The following MAGEB10 variants were observed in gnomAD, a reference collection of about 807,000 sequenced individuals.
The protein encoded by MAGEB10 is MAGE family member B10, also known as melanoma-associated antigen B10.
For missense variants in MAGEB10, 190 were observed against 261.9 expected (o/e 0.73, Z 1.89); for synonymous variants, 99 against 101.0 (o/e 0.98, Z 0.12).
intron 1 of MAGEB10, among the ~76,000 whole-genome samples, chrX:27,814,655 T>G (rs985985210): frequency 1.8e-5 from 2 of 111,500 alleles, no homozygotes; most frequent in Non-Finnish European, 3.8e-5. Flanking sequence ...AATAGGCACT[T>G]TTCCCAGAGT....
Position 27,810,744 on chromosome X carries a change from A to G in MAGEB10, c.-199+2708A>G, listed in dbSNP as rs756182625. 3.7e-5 allele frequency among the ~76,000 whole-genome samples: 4 copies of G among 108,330 alleles called. No homozygotes were observed. In the Admixed American group the frequency reaches 3.9e-4, roughly 11 times the overall value. The allele number at this position is 108,330 out of a possible 115,157, so 94.1% of individuals were successfully genotyped here. Reference sequence around the variant, plus strand: ...CAGAACAAAGGGGACCCAACAGAGTACCACTACTATGAGCCTTGGTAGCCT... The same window carrying G: ...CAGAACAAAGGGGACCCAACAGAGTGCCACTACTATGAGCCTTGGTAGCCT... On this transcript the variant is annotated intron_variant, in intron 1 of 2. Coordinates refer to ENST00000356790, the MANE Select transcript of MAGEB10 (RefSeq NM_182506.3).
At chrX:27,808,470 C>T (rs906941959) in intron 1 of MAGEB10, among the ~76,000 whole-genome samples, 1 of 111,957 alleles carries the variant, frequency 8.9e-6, no homozygotes, top group African/African-American at 3.2e-5. Context: ...TTCTGCCGTC[C>T]GTGGGAGGTG....
chrX:27,813,137 T>A (rs1923722708), intron 1 of MAGEB10, among the ~76,000 whole-genome samples: 1 of 112,005 alleles, frequency 8.9e-6, no homozygotes, highest in Non-Finnish European at 1.9e-5. Context: ...GTTTGTGAGG[T>A]TTTAGAGTAG....
chrX:27,810,120 CG>C (rs1459702967), intron 1 of MAGEB10, among the ~76,000 whole-genome samples: 1 of 111,428 alleles, frequency 9.0e-6, no homozygotes, highest in Non-Finnish European at 1.9e-5. Context: ...GTAGGCTGCC[CG>C]AGCCAGCCTT....
At chrX:27,808,176 T>C (rs1031374764) in intron 1 of MAGEB10, 140 bp downstream of exon 1, 2 of 112,151 alleles carry the variant, frequency 1.8e-5, no homozygotes, top group East Asian at 5.7e-4. Context: ...ATTATTCTTC[T>C]GGAGAGTCAG....
chrX:27,818,425 A>G (rs1923821650), intron 2 of MAGEB10, among the ~76,000 whole-genome samples: 2 of 111,716 alleles, frequency 1.8e-5, no homozygotes. Flanking sequence ...AAACAGGGCA[A>G]ATAGTACCAA....
At chrX:27,812,442 C>T (rs1923709478) in intron 1 of MAGEB10, 1 of 144,117 alleles carries the variant, frequency 6.9e-6, no homozygotes, top group South Asian at 1.6e-4. Flanking sequence ...AGAATTAGGC[C>T]ATGACACAAG....
chrX:27,814,365 G>A (rs1315861575), intron 1 of MAGEB10, among the ~76,000 whole-genome samples: 1 of 111,701 alleles, frequency 9.0e-6, no homozygotes, highest in Admixed American at 9.5e-5. Flanking sequence ...TAGTTGAAGG[G>A]ATGGAAGGAA....
chrX:27,814,370 A>G (rs1385403404), intron 1 of MAGEB10, among the ~76,000 whole-genome samples: 2 of 111,744 alleles, frequency 1.8e-5, no homozygotes, highest in African/African-American at 6.5e-5. Context: ...GAAGGGATGG[A>G]AGGAATTAGT....
rs1392432825 is a variant in MAGEB10 at position 27,821,440 on chromosome X, G to A, written c.134G>A (p.Cys45Tyr). The A allele has an allele frequency of 1.7e-6, 2 of 1,211,625 alleles. No individual in the cohort carries two copies. The highest frequency in any genetic ancestry group is 4.3e-5 in the Admixed American group (2 of 46,008). Residue 45 changes from cysteine (C) to tyrosine (Y), a missense_variant, in exon 3 of 3, where the codon TGT (cysteine) becomes TAT (tyrosine). Transcript: ENST00000356790. ...EEESPPSASACLKDVFQSSLD... is the reference protein window; with the variant it reads ...EEESPPSASAYLKDVFQSSLD... ...GAATCTCCCCCCTCTGCCTCTGCTT[G>A]TTTGAAGGATGTTTTCCAGAGTTCA...
chrX:27,814,864 C>CT (rs1000387714), intron 1 of MAGEB10, among the ~76,000 whole-genome samples: 1 of 112,310 alleles, frequency 8.9e-6, no homozygotes, highest in Non-Finnish European at 1.9e-5. Context: ...ACATGTCTGT[C>CT]TTTTAATTCA....
chrX:27,818,443 T>G (rs183938179), intron 2 of MAGEB10, among the ~76,000 whole-genome samples: 13 of 111,727 alleles, frequency 1.2e-4, no homozygotes, highest in Admixed American at 1.9e-4. Flanking sequence ...CAATGAGTAG[T>G]GGCATAGTGT....
chrX:27,822,021 T>C lies in MAGEB10; in HGVS notation c.715T>C (p.Phe239Leu). ...TMGLYDGIEH[F>L]MFGEPRKLLT... ...GGGGTTATATGACGGAATTGAGCAC[T>C]TCATGTTTGGGGAGCCCAGGAAGCT... Residue 239 changes from phenylalanine (F) to leucine (L), a missense_variant, in exon 3 of 3, where the codon TTC becomes CTC. Coordinates refer to ENST00000356790, the MANE Select transcript of MAGEB10 (RefSeq NM_182506.3). 8.3e-7 allele frequency: 1 copy of C among 1,211,905 alleles called. No homozygotes were observed. The highest frequency in any genetic ancestry group is 1.1e-6 in the Non-Finnish European group (1 of 895,600).
At chrX:27,810,121 G>C (rs776324170) in intron 1 of MAGEB10, among the ~76,000 whole-genome samples, 6 of 111,551 alleles carry the variant, frequency 5.4e-5, no homozygotes, top group African/African-American at 2.0e-4. Context: ...TAGGCTGCCC[G>C]AGCCAGCCTT....
At chrX:27,819,730 C>T (rs771768697) in intron 2 of MAGEB10, among the ~76,000 whole-genome samples, 1 of 111,541 alleles carries the variant, frequency 9.0e-6, no homozygotes, top group South Asian at 3.8e-4. Flanking sequence ...CAACTATCCA[C>T]ACCAGATCAG....
chrX:27,821,575 T>C lies in MAGEB10; in HGVS notation c.269T>C (p.Met90Thr), dbSNP rs150010722. 563 of 1,208,201 alleles carry C rather than the reference T, an allele frequency of 4.7e-4. 4 individuals carry two copies. The African/African-American group carries it at 8.6e-3, about 18-fold the overall frequency. ...TRHPEGVNDQMEERPICTQDL... is the reference protein window; with the variant it reads ...TRHPEGVNDQTEERPICTQDL... Reference sequence around the variant, plus strand: ...CATCCCGAAGGAGTCAACGACCAAATGGAAGAAAGGCCAATATGCACACAA... The same window carrying C: ...CATCCCGAAGGAGTCAACGACCAAACGGAAGAAAGGCCAATATGCACACAA... Residue 90 changes from methionine (M) to threonine (T), a missense_variant, in exon 3 of 3, where the codon ATG becomes ACG. Coordinates refer to ENST00000356790, the MANE Select transcript of MAGEB10 (RefSeq NM_182506.3).
intron 1 of MAGEB10, among the ~76,000 whole-genome samples, chrX:27,809,425 A>C (rs1351312371): frequency 1.9e-3 from 7 of 3,644 alleles, no homozygotes; most frequent in East Asian, 0.012. Context: ...GCCCCCCCCA[A>C]CCCCGCCAGC....
At chrX:27,818,617 G>A (rs747925318) in intron 2 of MAGEB10, among the ~76,000 whole-genome samples, 2 of 111,993 alleles carry the variant, frequency 1.8e-5, no homozygotes, top group Non-Finnish European at 3.8e-5. Flanking sequence ...GCAGAACAGA[G>A]GGCTGATTTT....
At chrX:27,817,283 AT>A (rs1466331490) in intron 1 of MAGEB10, among the ~76,000 whole-genome samples, 1 of 110,403 alleles carries the variant, frequency 9.1e-6, no homozygotes, top group Non-Finnish European at 1.9e-5. Context: ...TTATTTAAAT[AT>A]TTTAATTACC....
Sources: allele counts gnomAD v4.1 joint callset (sites outside exome capture counted in the v4.1 genomes callset), GRCh38; gene constraint gnomAD v4.1.1; transcripts MANE v1.5; gene names NCBI Gene and HGNC (gene_info 2026-07-23, HGNC 2026-07-21).